Variants in MEMO1 observed in about 807,000 individuals in gnomAD.
MEMO1 encodes protein MEMO1.
MEMO1 carries 6 observed loss-of-function variants against 45.2 expected under a neutral mutation model. That is an observed-to-expected ratio of 0.13 (90% CI 0.07 to 0.26). The LOEUF (loss-of-function observed/expected upper bound fraction) is 0.26, where lower values mean the gene tolerates loss of function less well. Among genes scored for constraint, MEMO1 ranks in the 10% least tolerant of loss-of-function variants. The pLI is 1.00. For missense variants in MEMO1, 184 were observed against 370.5 expected (o/e 0.50, Z 4.13); for synonymous variants, 78 against 124.3 (o/e 0.63, Z 2.48).
intron 2 of MEMO1, among the ~76,000 whole-genome samples, chr2:31,992,709 A>C (rs1487730157): frequency 1.3e-5 from 2 of 152,200 alleles, no homozygotes. Context: ...ACTCGAACCC[A>C]GGAGATGGAG....
At chr2:31,901,375 A>C (rs1438041485) in intron 6 of MEMO1, among the ~76,000 whole-genome samples, 2 of 104,468 alleles carry the variant, frequency 1.9e-5, no homozygotes, top group African/African-American at 4.3e-5. Context: ...TCTGTCTCAC[A>C]AAAAAAAAAA....
chr2:31,930,353 C>T lies in MEMO1; in HGVS notation c.212+1714G>A, dbSNP rs565917340. The stretch of plus-strand genomic sequence containing the variant: ...TCTACTCATCTTCTTAAATCTTCCT[C>T]TTCTTAGTCCTTGGCGCTCTTCCAT... On this transcript the variant is annotated intron_variant, in intron 4 of 9. Transcript: ENST00000404530. Among the ~76,000 whole-genome samples, 9 of 152,254 alleles carry T rather than the reference C, an allele frequency of 5.9e-5. No homozygotes were observed. The South Asian group carries it at 1.0e-3, about 18-fold the overall frequency.
intron 6 of MEMO1, among the ~76,000 whole-genome samples, chr2:31,896,044 C>T (rs1340584198): frequency 2.0e-5 from 3 of 151,568 alleles, no homozygotes; most frequent in South Asian, 2.1e-4. Flanking sequence ...GGGGTTTCAC[C>T]GTGTTAGCCA....
chr2:31,950,378 CAA>C (rs540228992), intron 2 of MEMO1, among the ~76,000 whole-genome samples: 4 of 109,660 alleles, frequency 3.6e-5, no homozygotes, highest in African/African-American at 6.8e-5. Flanking sequence ...AAGACTCCGT[CAA>C]AAAAAAAAAA....
At chr2:31,918,150 C>A in intron 5 of MEMO1, 113 bp from the exon 6 acceptor site, 1 of 512,466 alleles carries the variant, frequency 2.0e-6, no homozygotes. Context: ...ACAGAAACAC[C>A]ATATAATATT....
chr2:31,923,606 G>A (rs1482353909), intron 4 of MEMO1: 3 of 1,522,582 alleles, frequency 2.0e-6, no homozygotes, highest in Admixed American at 4.4e-5. Context: ...AAATGTTTAG[G>A]TAGCCTGACT....
At chr2:32,005,588 A>G (rs1169349026) in intron 2 of MEMO1, among the ~76,000 whole-genome samples, 2 of 152,046 alleles carry the variant, frequency 1.3e-5, no homozygotes, top group African/African-American at 2.4e-5. Context: ...GCAGAACAGG[A>G]TTGGTAATCC....
chr2:31,971,507 G>A (rs1669400483), intron 2 of MEMO1, among the ~76,000 whole-genome samples: 2 of 151,980 alleles, frequency 1.3e-5, no homozygotes, highest in South Asian at 4.2e-4. Context: ...TGGGATTATA[G>A]GCATGAGTCC....
intron 3 of MEMO1, among the ~76,000 whole-genome samples, chr2:31,942,588 C>T (rs927623555): frequency 6.6e-6 from 1 of 151,986 alleles, no homozygotes; most frequent in African/African-American, 2.4e-5. Flanking sequence ...TCACTACAAC[C>T]TCCACCTCCC....
At chr2:31,999,136 C>A (rs1344450568) in intron 2 of MEMO1, among the ~76,000 whole-genome samples, 1 of 152,080 alleles carries the variant, frequency 6.6e-6, no homozygotes, top group African/African-American at 2.4e-5. Context: ...ATTCAACAAC[C>A]AATCACTTCT....
chr2:31,921,315 G>A (rs1281074971), intron 4 of MEMO1, among the ~76,000 whole-genome samples: 1 of 152,160 alleles, frequency 6.6e-6, no homozygotes, highest in African/African-American at 2.4e-5. Flanking sequence ...ATAAATTTGT[G>A]TTGTTTAAAC....
chr2:31,982,290 T>C (rs1211390484), intron 2 of MEMO1, among the ~76,000 whole-genome samples: 12 of 135,212 alleles, frequency 8.9e-5, no homozygotes, highest in African/African-American at 3.1e-4. Flanking sequence ...AGGAAGACTC[T>C]GTCTTCGAAA....
At position 31,935,426 on chromosome 2, in the gene MEMO1, G is replaced by C. The variant is rs1436176487; in HGVS notation, c.144-3291C>G. 2.0e-5 allele frequency among the ~76,000 whole-genome samples: 3 copies of C among 152,106 alleles called. No homozygotes were observed. In the East Asian group the frequency reaches 5.8e-4, roughly 29 times the overall value. Reference sequence around the variant, plus strand: ...TTAATAATGGAACTCAGATTTCGTGGTTTCAGTCCATTCAGGAGCTGAAGA... The same window carrying C: ...TTAATAATGGAACTCAGATTTCGTGCTTTCAGTCCATTCAGGAGCTGAAGA... On this transcript the variant is annotated intron_variant, in intron 3 of 9. Transcript: ENST00000404530.
intron 4 of MEMO1, among the ~76,000 whole-genome samples, chr2:31,925,335 G>C (rs1329984025): frequency 6.6e-6 from 1 of 151,830 alleles, no homozygotes; most frequent in Non-Finnish European, 1.5e-5. Context: ...AATTAGCCAG[G>C]CGTGGTGGCA....
intron 2 of MEMO1, among the ~76,000 whole-genome samples, chr2:32,002,226 T>C (rs1237258445): frequency 4.8e-5 from 7 of 146,660 alleles, no homozygotes; most frequent in Admixed American, 2.1e-4. Flanking sequence ...TATACGTATA[T>C]GTGTATATAT....
At chr2:31,929,232 C>A (rs1039559266) in intron 4 of MEMO1, among the ~76,000 whole-genome samples, 1 of 151,758 alleles carries the variant, frequency 6.6e-6, no homozygotes, top group African/African-American at 2.4e-5. Flanking sequence ...ATTACATTTA[C>A]TTTTTGTAAT....
At chr2:31,996,504 A>T (rs1672637907) in intron 2 of MEMO1, among the ~76,000 whole-genome samples, 1 of 152,098 alleles carries the variant, frequency 6.6e-6, no homozygotes. Context: ...AGATCGTGCC[A>T]CTGCACTCCA....
intron 6 of MEMO1, among the ~76,000 whole-genome samples, chr2:31,895,642 T>C (rs1289232338): frequency 1.3e-5 from 2 of 152,080 alleles, no homozygotes; most frequent in Non-Finnish European, 2.9e-5. Context: ...CCAGCATGTA[T>C]ATAATGGGAA....
At chr2:31,982,057 G>T (rs1186110416) in intron 2 of MEMO1, among the ~76,000 whole-genome samples, 1 of 152,090 alleles carries the variant, frequency 6.6e-6, no homozygotes, top group Admixed American at 6.6e-5. Context: ...CCAACACTTT[G>T]AGAGACCAAG....
Sources: gnomAD v4.1 joint callset for allele counts (sites outside exome capture counted in the v4.1 genomes callset) on GRCh38, gnomAD v4.1.1 for gene constraint, MANE v1.5 for transcripts, NCBI Gene and HGNC (gene_info 2026-07-23, HGNC 2026-07-21) for gene names.